Variants in RPS6KB2 observed in about 807,000 individuals in gnomAD.
The protein encoded by RPS6KB2 is ribosomal protein S6 kinase beta-2.
A neutral mutation model predicts 58.2 loss-of-function variants in RPS6KB2; 51 were observed. That is an observed-to-expected ratio of 0.88 (90% confidence interval 0.70 to 1.11). The LOEUF (loss-of-function observed/expected upper bound fraction) is 1.11. RPS6KB2 is among the 50% of genes least tolerant of loss of function. The pLI, the probability that RPS6KB2 is intolerant of heterozygous loss-of-function variation, is 0.00. For synonymous variants in RPS6KB2, 293 were observed against 258.6 expected (o/e 1.13, Z -1.28); for missense variants, 671 against 655.8 (o/e 1.02, Z -0.25).
rs1381755822 is a variant in RPS6KB2 at position 67,435,055 on chromosome 11, A to C, written c.1335A>C (p.Leu445=). The C allele has an allele frequency of 3.7e-6, 6 of 1,611,970 alleles. No individual in the cohort carries two copies. Among genetic ancestry groups the C allele is most frequent in the Non-Finnish European group, 5.1e-6 (6 of 1,179,304 alleles). The change falls in exon 15 of 15, where the codon CTA becomes CTC. Residue 445 remains leucine, a synonymous_variant. Transcript: ENST00000312629. The stretch of plus-strand genomic sequence containing the variant: ...CCAGCCTGCCGGAGCCCACGGAGCT[A>C]CCTCTACCTCCACTCCTGCCACCGC... ...PSPSLPEPTE[L]PLPPLLPPPP...
chr11:67,428,883 C>G, intron 1 of RPS6KB2, 99 bp from the exon 2 acceptor site: 1 of 1,402,726 alleles, frequency 7.1e-7, no homozygotes, highest in Non-Finnish European at 1.0e-6. Flanking sequence ...AGCTGCCATC[C>G]CTGACACCCT....
In RPS6KB2 at chr11:67,433,932, T is replaced by C. The variant is rs76630482; in HGVS notation, c.907-63T>C. On this transcript the variant is annotated intron_variant, in intron 10 of 14. Coordinates refer to ENST00000312629, the MANE Select transcript of RPS6KB2 (RefSeq NM_003952.3). ...ACCTGACCCCTACTCCAGCTAGCCC[T>C]GGGACCCGGGGACACATGAGCAGTA... 1,488 of 1,587,294 alleles carry C rather than the reference T, an allele frequency of 9.4e-4. 11 individuals are homozygous for C. In the East Asian group the frequency reaches 0.022, roughly 24 times the overall value.
At chr11:67,431,574 A>C in intron 5 of RPS6KB2, 59 bp downstream of exon 5, 4 of 1,559,834 alleles carry the variant, frequency 2.6e-6, no homozygotes, top group African/African-American at 1.4e-5. Context: ...CGAGCCAGCA[A>C]AGGAAGCTCT....
Position 67,434,052 on chromosome 11 carries a change from G to A in RPS6KB2, c.964G>A (p.Val322Met), listed in dbSNP as rs1864150158. The change falls in exon 11 of 15, where the codon GTG becomes ATG. Residue 322 changes from valine (V) to methionine (M), a missense_variant. Physicochemically the swap from Val to Met is conservative, Grantham distance 21 (BLOSUM62 1). Coordinates refer to ENST00000312629, the MANE Select transcript of RPS6KB2 (RefSeq NM_003952.3). ...GGGTGGCCCAGGGGATGCTGCTGAT[G>A]TGCAGGTGGGTTTGGGACCACCACC... Reference protein sequence around the residue: ...IGGGPGDAADVQRHPFFRHMN... With the variant: ...IGGGPGDAADMQRHPFFRHMN... 1.2e-6 allele frequency: 2 copies of A among 1,614,016 alleles called. No individual in the cohort carries two copies. Among genetic ancestry groups the A allele is most frequent in the Non-Finnish European group, 1.7e-6 (2 of 1,180,020 alleles).
chr11:67,435,168 AG>A lies in RPS6KB2; in HGVS notation c.*1del, dbSNP rs1219851417. On this transcript the variant is annotated frameshift_variant and stop_lost, in exon 15 of 15. Transcript: ENST00000312629. LOFTEE classifies it high-confidence loss of function. ...AGGGGCCGTGGGCGTCCAGGGCGCT[AG>A]GAAGCCGGGTGGGGGTGAGGGTAGC... ...SKRGRGRPGR[*>X] 1 of 1,568,622 alleles carries A rather than the reference AG, an allele frequency of 6.4e-7. No homozygotes were observed. Among genetic ancestry groups the A allele is most frequent in the African/African-American group, 1.3e-5 (1 of 74,090 alleles).
In RPS6KB2 at chr11:67,434,278, G is replaced by T; in HGVS notation, c.1047+3G>T. The T allele has an allele frequency of 6.2e-7, 1 of 1,613,150 alleles. No individual in the cohort carries two copies. On this transcript the variant is annotated splice_donor_region_variant and intron_variant, in intron 12 of 14. Transcript: ENST00000312629. ...ACCCCCCTTTCAGGCCCTGTCTGGT[G>T]AGCAGCAGGGCTGGTGGCCAGTGGC...
rs369567317 is a variant in RPS6KB2, at chr11:67,434,598, C to T, written c.1172C>T (p.Ala391Val). ...GCCCCCCAGGGCTTCACATACGTGG[C>T]GCCGTCTGTCCTGGACAGCATCAAG... is the stretch of plus-strand genomic sequence containing the variant. Reference protein sequence around the residue: ...NQAFLGFTYVAPSVLDSIKEG... With the variant: ...NQAFLGFTYVVPSVLDSIKEG... The change falls in exon 14 of 15, where the codon GCG becomes GTG. Residue 391 changes from alanine (A) to valine (V), a missense_variant. By Grantham distance (64) the Ala-to-Val change is moderately conservative. Transcript: ENST00000312629. 38 of 1,605,788 alleles carry T rather than the reference C, an allele frequency of 2.4e-5. No individual in the cohort carries two copies. The highest frequency in any genetic ancestry group is 9.3e-5 in the African/African-American group (7 of 74,926).
rs2135123492 is a variant in RPS6KB2, at chr11:67,432,815, G to C, written c.594G>C (p.Glu198Asp). 1 of 1,614,020 alleles carries C rather than the reference G, an allele frequency of 6.2e-7. No individual in the cohort carries two copies. The highest frequency in any genetic ancestry group is 1.7e-5 in the Admixed American group (1 of 60,014). Residue 198 changes from glutamate to aspartate, a missense_variant, in exon 7 of 15, where the codon GAG becomes GAC. Physicochemically the swap from Glu to Asp is conservative, Grantham distance 45. Transcript: ENST00000312629. ...QGIIYRDLKP[E>D]NIMLSSQGHI... ...TCATCTACCGGGACCTCAAGCCCGA[G>C]AACATCATGCTCAGCAGCCAGGGTG...
intron 9 of RPS6KB2, 25 bp from the exon 10 acceptor site, chr11:67,433,315 T>C (rs778504215): frequency 6.2e-6 from 10 of 1,606,658 alleles, no homozygotes; most frequent in Non-Finnish European, 4.3e-6. Flanking sequence ...CCCACAAGGC[T>C]CCTCTCACCT....
At position 67,429,586 on chromosome 11, in the gene RPS6KB2, C is replaced by G; in HGVS notation, c.300C>G (p.Val100=). The change falls in exon 4 of 15, where the codon GTC becomes GTG. Residue 100 remains valine, a synonymous_variant. Coordinates refer to ENST00000312629, the MANE Select transcript of RPS6KB2 (RefSeq NM_003952.3). ...TGGGCAAAATATATGCCATGAAAGT[C>G]CTAAGGAAGGTGAGTCACTCGTTCA... ...TNLGKIYAMK[V]LRKAKIVRNA... is the part of the protein sequence containing the mutation. 1.9e-6 allele frequency: 3 copies of G among 1,611,940 alleles called. No individual in the cohort carries two copies. Among genetic ancestry groups the G allele is most frequent in the Non-Finnish European group, 2.5e-6 (3 of 1,179,142 alleles).
Position 67,435,061 on chromosome 11 carries a change from A to G in RPS6KB2, c.1341A>G (p.Leu447=). The G allele has an allele frequency of 6.2e-7, 1 of 1,611,810 alleles. No homozygotes were observed. Among genetic ancestry groups the G allele is most frequent in the Non-Finnish European group, 8.5e-7 (1 of 1,179,450 alleles). ...TGCCGGAGCCCACGGAGCTACCTCT[A>G]CCTCCACTCCTGCCACCGCCGCCGC... is the stretch of plus-strand genomic sequence containing the variant. ...PSLPEPTELP[L]PPLLPPPPPS... is the part of the protein sequence containing the mutation. The change falls in exon 15 of 15, where the codon CTA becomes CTG. Residue 447 remains leucine (L), a synonymous_variant. Transcript: ENST00000312629.
intron 10 of RPS6KB2, 58 bp from the exon 11 acceptor site, chr11:67,433,937 C>T: frequency 6.3e-7 from 1 of 1,595,190 alleles, no homozygotes; most frequent in Non-Finnish European, 8.6e-7. Flanking sequence ...AGCCCTGGGA[C>T]CCGGGGACAC....
At chr11:67,432,861 T>C in intron 7 of RPS6KB2, 24 bp downstream of exon 7, 1 of 1,612,042 alleles carries the variant, frequency 6.2e-7, no homozygotes, top group Non-Finnish European at 8.5e-7. Context: ...TGCGGGCAGC[T>C]GCAGGCGGGG....
chr11:67,431,828 C>T (rs960074656), intron 5 of RPS6KB2: 10 of 337,554 alleles, frequency 3.0e-5, no homozygotes, highest in African/African-American at 1.5e-4. Flanking sequence ...TCTTCTCTCC[C>T]GTGTGCCCTG....
chr11:67,433,701 G>A (rs1381344451), intron 10 of RPS6KB2, among the ~76,000 whole-genome samples: 1 of 152,210 alleles, frequency 6.6e-6, no homozygotes, highest in African/African-American at 2.4e-5. Flanking sequence ...CCACACTTCC[G>A]TCAAAGGCGA....
In RPS6KB2 at chr11:67,433,321, C is replaced by T. The variant is rs773088630; in HGVS notation, c.799-19C>T. 1 of 1,610,626 alleles carries T rather than the reference C, an allele frequency of 6.2e-7. No individual in the cohort carries two copies. The highest frequency in any genetic ancestry group is 1.1e-5 in the South Asian group (1 of 91,052). ...GGTGGGAGGCCCACAAGGCTCCTCT[C>T]ACCTTCCTCCTCCTCCAGCCGCCCT... On this transcript the variant is annotated intron_variant, in intron 9 of 14. Coordinates refer to ENST00000312629, the MANE Select transcript of RPS6KB2 (RefSeq NM_003952.3).
rs1329977977 is a variant in RPS6KB2 at position 67,434,651 on chromosome 11, C to T, written c.1225C>T (p.Arg409Cys). 1.5e-5 allele frequency: 24 copies of T among 1,610,460 alleles called. No individual in the cohort carries two copies. Among genetic ancestry groups the T allele is most frequent in the Non-Finnish European group, 2.0e-5 (24 of 1,179,290 alleles). The change falls in exon 14 of 15, where the codon CGC (arginine) becomes TGC (cysteine). Residue 409 changes from arginine to cysteine, a missense_variant. Transcript: ENST00000312629. ...KEGFSFQPKL[R>C]SPRRLNSSPR... ...GGGCTTCTCCTTCCAGCCCAAGCTG[C>T]GCTCACCCAGGCGCCTCAACAGTAG...
intron 4 of RPS6KB2, chr11:67,430,324 TG>T (rs2135117235): frequency 6.6e-6 from 1 of 152,354 alleles, no homozygotes; most frequent in Admixed American, 6.5e-5. Context: ...AGTCTCACTC[TG>T]TCACTCAGGC....
rs1247885335 is a variant in RPS6KB2, at chr11:67,428,573, G to A, written c.28G>A (p.Glu10Lys). The change falls in exon 1 of 15, where the codon GAG becomes AAG. Residue 10 changes from glutamate (E) to lysine (K), a missense_variant. Glu to Lys is a moderately conservative substitution (Grantham distance 56). Coordinates refer to ENST00000312629, the MANE Select transcript of RPS6KB2 (RefSeq NM_003952.3). Reference sequence around the variant, plus strand: ...GGCGGCCGTGTTTGATTTGGATTTGGAGACGGAGGAAGGCAGCGAGGGCGA... The same window carrying A: ...GGCGGCCGTGTTTGATTTGGATTTGAAGACGGAGGAAGGCAGCGAGGGCGA... MAAVFDLDL[E>K]TEEGSEGEGE... 3 of 1,611,014 alleles carry A rather than the reference G, an allele frequency of 1.9e-6. No individual in the cohort carries two copies. Among genetic ancestry groups the A allele is most frequent in the Non-Finnish European group, 2.5e-6 (3 of 1,179,158 alleles).
Sources: gnomAD v4.1 joint callset for allele counts (sites outside exome capture counted in the v4.1 genomes callset) on GRCh38, gnomAD v4.1.1 for gene constraint, MANE v1.5 for transcripts, NCBI Gene and HGNC (gene_info 2026-07-23, HGNC 2026-07-21) for gene names.